CASZ1: variants seen among roughly 807,000 people sequenced by gnomAD.
The protein encoded by CASZ1 is zinc finger protein castor homolog 1.
In CASZ1, 28 loss-of-function variants were observed where a neutral mutation model predicts 135.2. The observed-to-expected ratio is 0.21, with a 90% confidence interval of 0.15 to 0.28. CASZ1 has a LOEUF of 0.28. Among genes scored for constraint, CASZ1 ranks in the 10% least tolerant of loss-of-function variants. The pLI, the probability that CASZ1 is intolerant of heterozygous loss-of-function variation, is 1.00. For synonymous variants in CASZ1, 1,068 were observed against 1,073.4 expected (o/e 0.99, Z 0.10); for missense variants, 2,161 against 2,453.3 (o/e 0.88, Z 2.52).
rs1639555928 is a variant in CASZ1, at chr1:10,724,246, T to G, written c.-76-18702A>C. ...GGGCTATAAATAGCCAGCAAATCAT[T>G]TCCCAGAGCCACGGCCCCCTCCCCA... On this transcript the variant is annotated intron_variant, in intron 2 of 20. Coordinates refer to ENST00000377022, the MANE Select transcript of CASZ1 (RefSeq NM_001079843.3). The surrounding 1 kb of genome is among the most constrained non-coding windows in gnomAD (Gnocchi z 4.1). 6.6e-6 allele frequency among the ~76,000 whole-genome samples: 1 copy of G among 152,108 alleles called. No individual in the cohort carries two copies.
In CASZ1 at chr1:10,653,338, G is replaced by A. The variant is rs575603014; in HGVS notation, c.2680+39C>T. 2.5e-6 allele frequency: 4 copies of A among 1,609,580 alleles called. No homozygotes were observed. The South Asian group carries it at 4.4e-5, about 18-fold the overall frequency. On this transcript the variant is annotated intron_variant, in intron 11 of 20. Transcript: ENST00000377022. ...GAGGCCAGGTGGCCACCCCAGTCCA[G>A]AAGGTGCCTGCTTTCTGGGCAGGAC...
In CASZ1 at chr1:10,747,880, G is replaced by A. The variant is rs1027501795; in HGVS notation, c.-77+12821C>T. Among the ~76,000 whole-genome samples, 37 of 150,512 alleles carry A rather than the reference G, an allele frequency of 2.5e-4. No individual in the cohort carries two copies. The highest frequency in any genetic ancestry group is 9.1e-4 in the African/African-American group (37 of 40,758). On this transcript the variant is annotated intron_variant, in intron 2 of 20. Transcript: ENST00000377022. This position sits in a 1 kb window ranked among gnomAD's most constrained non-coding sequence, Gnocchi z 4.3. ...CGCCCAGGCTGGAGTGCAGTGGTGTGATCTCAGCTCACTGCAAGCTCCGCC... is the reference window on the plus strand; with the variant it reads ...CGCCCAGGCTGGAGTGCAGTGGTGTAATCTCAGCTCACTGCAAGCTCCGCC...
rs1457137360 is a variant in CASZ1 at position 10,653,443 on chromosome 1, G to A, written c.2614C>T (p.Leu872Phe). 1 of 1,613,362 alleles carries A rather than the reference G, an allele frequency of 6.2e-7. No homozygotes were observed. The highest frequency in any genetic ancestry group is 1.7e-5 in the Admixed American group (1 of 60,030). The change falls in exon 11 of 21, where the codon CTC becomes TTC. Residue 872 changes from leucine (L) to phenylalanine (F), a missense_variant. Physicochemically the swap from Leu to Phe is conservative, Grantham distance 22 (BLOSUM62 0). Around this residue, in one of 7 missense-constraint regions of CASZ1, gnomAD observed 406 missense variants for 387.6 expected, o/e 1.05. Coordinates refer to ENST00000377022, the MANE Select transcript of CASZ1 (RefSeq NM_001079843.3). ...AGCCTGGCCATCATGGGCGAGATGAGGCCCTTGCTTGCAGAGATCCTCTCC... is the reference window on the plus strand; with the variant it reads ...AGCCTGGCCATCATGGGCGAGATGAAGCCCTTGCTTGCAGAGATCCTCTCC... Reference protein sequence around the residue: ...IMERISASKGLISPMMARLAA... With the variant: ...IMERISASKGFISPMMARLAA...
At chr1:10,651,384 C>T (rs148570815) in intron 11 of CASZ1, 2,494 of 247,000 alleles carry the variant, frequency 0.01, 18 homozygotes, top group Non-Finnish European at 0.014. Context: ...CTGTCACAGT[C>T]GATTTGTGGG....
chr1:10,659,576 C>G lies in CASZ1; in HGVS notation c.1340+126G>C. The stretch of plus-strand genomic sequence containing the variant: ...CTGAGTGTGCACGCGCCTGGATGCA[C>G]AGTGGATGTGTATAAGGTGTGAGCG... On this transcript the variant is annotated intron_variant, in intron 6 of 20. Transcript: ENST00000377022. 3 of 726,332 alleles carry G rather than the reference C, an allele frequency of 4.1e-6. No homozygotes were observed. The Admixed American group carries it at 7.1e-5, about 17-fold the overall frequency. The allele number at this position is 726,332 out of a possible 1,614,324, so 45.0% of individuals were successfully genotyped here.
Position 10,657,302 on chromosome 1 carries a change from GTCC to G in CASZ1, c.1410-569_1410-567del, listed in dbSNP as rs1276983835. On this transcript the variant is annotated intron_variant, in intron 7 of 20. Coordinates refer to ENST00000377022, the MANE Select transcript of CASZ1 (RefSeq NM_001079843.3). This position sits in a 1 kb window ranked among gnomAD's most constrained non-coding sequence, Gnocchi z 5.7. ...ACCTGTGCTGCCTCCCAGGAAACCC[GTCC>G]TCCTCCAGGCCCCAGGGCCGCTGGG... Among the ~76,000 whole-genome samples the G allele has an allele frequency of 1.3e-5, 2 of 152,186 alleles. No individual in the cohort carries two copies. Among genetic ancestry groups the G allele is most frequent in the Non-Finnish European group, 2.9e-5 (2 of 68,046 alleles).
rs752343687 is a variant in CASZ1, at chr1:10,650,895, A to C, written c.2816+46T>G. 2.5e-6 allele frequency: 4 copies of C among 1,606,950 alleles called. No homozygotes were observed. In the African/African-American group the frequency reaches 5.4e-5, roughly 22 times the overall value. On this transcript the variant is annotated intron_variant, in intron 12 of 20. Coordinates refer to ENST00000377022, the MANE Select transcript of CASZ1 (RefSeq NM_001079843.3). ...GGGACCACCCCGGGGCTCCAGCTCG[A>C]AGGTGTGGTTCCCGGGGCTGGCTCC...
At chr1:10,659,516 C>T (rs1170580000) in intron 6 of CASZ1, among the ~76,000 whole-genome samples, 186 bp downstream of exon 6, 6 of 152,162 alleles carry the variant, frequency 3.9e-5, no homozygotes, top group East Asian at 1.9e-4. Flanking sequence ...GAGTGCGGCG[C>T]GCACCTGTGT....
intron 5 of CASZ1, 30 bp from the exon 6 acceptor site, chr1:10,660,566 CTGGGAGGGAG>C: frequency 1.3e-6 from 2 of 1,586,202 alleles, no homozygotes; most frequent in South Asian, 2.3e-5. Context: ...CGCATCACCT[CTGGGAGGGAG>C]TGGGAGGGAC....
rs1639245897 is a variant in CASZ1, at chr1:10,709,617, A to G, written c.-76-4073T>C. Reference sequence around the variant, plus strand: ...GAGTGAAAAAGAAAGAGAGAGCGGGAGAGGGGGAGAGAGAGAGAGGGAGAG... The same window carrying G: ...GAGTGAAAAAGAAAGAGAGAGCGGGGGAGGGGGAGAGAGAGAGAGGGAGAG... On this transcript the variant is annotated intron_variant, in intron 2 of 20. Coordinates refer to ENST00000377022, the MANE Select transcript of CASZ1 (RefSeq NM_001079843.3). This position sits in a 1 kb window ranked among gnomAD's most constrained non-coding sequence, Gnocchi z 5.1. Among the ~76,000 whole-genome samples, 1 of 152,120 alleles carries G rather than the reference A, an allele frequency of 6.6e-6. No homozygotes were observed. Among genetic ancestry groups the G allele is most frequent in the Admixed American group, 6.5e-5 (1 of 15,278 alleles).
At chr1:10,722,517 G>A (rs899165566) in intron 2 of CASZ1, among the ~76,000 whole-genome samples, 4 of 152,182 alleles carry the variant, frequency 2.6e-5, no homozygotes, top group Admixed American at 1.3e-4. Flanking sequence ...CTGGGTGCTC[G>A]GAGAAGGCTT....
Position 10,786,073 on chromosome 1 carries a change from C to T in CASZ1, c.-234+10491G>A, listed in dbSNP as rs555969509. On this transcript the variant is annotated intron_variant, in intron 1 of 20. Coordinates refer to ENST00000377022, the MANE Select transcript of CASZ1 (RefSeq NM_001079843.3). The stretch of plus-strand genomic sequence containing the variant: ...AGCCACACAGCCTCCATCTGCGAGG[C>T]GCTCTCGTGGGCACGACTCTGGGAT... 9.8e-5 allele frequency among the ~76,000 whole-genome samples: 15 copies of T among 152,344 alleles called. No homozygotes were observed. The South Asian group carries it at 2.9e-3, about 30-fold the overall frequency.
intron 20 of CASZ1, chr1:10,642,333 T>G (rs1002306272): frequency 8.3e-3 from 611 of 73,244 alleles, no homozygotes; most frequent in Admixed American, 0.01. Flanking sequence ...CTGGAGAGGG[T>G]GGAGAAAAGC....
chr1:10,639,221 G>A lies in CASZ1; in HGVS notation c.5001C>T (p.Ala1667=), dbSNP rs780015704. The A allele has an allele frequency of 5.6e-5, 51 of 910,698 alleles. No individual in the cohort carries two copies. The highest frequency in any genetic ancestry group is 2.1e-5 in the Non-Finnish European group (16 of 761,148). 56.4% of individuals were successfully genotyped at this position (910,698 alleles called of 1,614,324 possible). A position where few individuals can be genotyped will look rare whatever the true frequency, so the allele number is the denominator to read the frequency against. Reference sequence around the variant, plus strand: ...CCTGCGAGGACTCCCCAGCTGCGGCGGCGGCGGCGGCGGCGCCCTCGCGCG... The same window carrying A: ...CCTGCGAGGACTCCCCAGCTGCGGCAGCGGCGGCGGCGGCGCCCTCGCGCG... ...PGPREGAAAA[A]AAAGESSQED... The change falls in exon 21 of 21, where the codon GCC becomes GCT. Residue 1667 remains alanine (A), a synonymous_variant. Coordinates refer to ENST00000377022, the MANE Select transcript of CASZ1 (RefSeq NM_001079843.3). This position sits in a 1 kb window ranked among gnomAD's most constrained non-coding sequence, Gnocchi z 4.0.
At chr1:10,658,942 A>G (rs549982878) in intron 6 of CASZ1, among the ~76,000 whole-genome samples, 73 of 152,256 alleles carry the variant, frequency 4.8e-4, no homozygotes, top group African/African-American at 1.7e-3. Flanking sequence ...GCAGCTGGGC[A>G]GGGGAAGTGT....
intron 4 of CASZ1, among the ~76,000 whole-genome samples, chr1:10,682,516 C>T (rs992181460): frequency 2.0e-5 from 3 of 151,988 alleles, no homozygotes; most frequent in South Asian, 2.1e-4. Context: ...GAAGAGGGAG[C>T]GAGGTCTATT....
At chr1:10,673,218 G>A (rs1429822884) in intron 4 of CASZ1, among the ~76,000 whole-genome samples, 1 of 152,188 alleles carries the variant, frequency 6.6e-6, no homozygotes, top group Admixed American at 6.5e-5. Flanking sequence ...AAGCATTTAT[G>A]TATAAATTTT....
chr1:10,774,600 A>G lies in CASZ1; in HGVS notation c.-233-13743T>C, dbSNP rs1640630224. The stretch of plus-strand genomic sequence containing the variant: ...GATCACCAGGAGATCCAGATGGAGC[A>G]TTTTTCTGCTCTATTAACAACCACA... On this transcript the variant is annotated intron_variant, in intron 1 of 20. Transcript: ENST00000377022. The surrounding 1 kb of genome is among the most constrained non-coding windows in gnomAD (Gnocchi z 4.4). 6.6e-6 allele frequency among the ~76,000 whole-genome samples: 1 copy of G among 152,072 alleles called. No homozygotes were observed. The highest frequency in any genetic ancestry group is 1.5e-5 in the Non-Finnish European group (1 of 68,024).
chr1:10,690,627 G>T (rs760786073), intron 4 of CASZ1, among the ~76,000 whole-genome samples: 3 of 152,082 alleles, frequency 2.0e-5, no homozygotes. Context: ...CCGCCTCGAC[G>T]ACAAGGCTGC....
Sources: allele counts gnomAD v4.1 joint callset (sites outside exome capture counted in the v4.1 genomes callset), GRCh38; gene constraint gnomAD v4.1.1; regional missense constraint gnomAD v4.1.1; non-coding constraint Gnocchi (gnomAD v3.1); transcripts MANE v1.5; gene names NCBI Gene and HGNC (gene_info 2026-07-23, HGNC 2026-07-21).